WNT9B: variants seen among roughly 807,000 people sequenced by gnomAD.
WNT9B encodes protein Wnt-9b.
A neutral mutation model predicts 30.2 loss-of-function variants in WNT9B; 12 were observed. The ratio of observed to expected loss-of-function variants is 0.40; its 90% CI spans 0.26 to 0.64. WNT9B has a LOEUF of 0.64. Among genes scored for constraint, WNT9B ranks in the 30% least tolerant of loss-of-function variants. The pLI is 0.42. For synonymous variants in WNT9B, 218 were observed against 216.9 expected (o/e 1.01, Z -0.05); for missense variants, 442 against 485.2 (o/e 0.91, Z 0.84).
chr17:46,883,989 A>G (rs753277932), downstream of WNT9B, among the ~76,000 whole-genome samples: 22 of 151,936 alleles, frequency 1.4e-4, no homozygotes, highest in Non-Finnish European at 2.8e-4. Context: ...CTGAGCCCCT[A>G]CCCCTGCCCC....
Position 46,851,744 on chromosome 17 carries a change from TC to T in WNT9B, c.77+33del. ...AGTGCCCGCCGCGCCCCCCGCCCGCTCCCCGGCCTGCCTGTCTCTCCCTCCT... is the reference window on the plus strand; with the variant it reads ...AGTGCCCGCCGCGCCCCCCGCCCGCTCCCGGCCTGCCTGTCTCTCCCTCCT... On this transcript the variant is annotated intron_variant, in intron 1 of 3. Transcript: ENST00000290015. The surrounding 1 kb of genome is among the most constrained non-coding windows in gnomAD (Gnocchi z 4.3). 2 of 1,191,028 alleles carry T rather than the reference TC, an allele frequency of 1.7e-6. No homozygotes were observed. The highest frequency in any genetic ancestry group is 2.1e-6 in the Non-Finnish European group (2 of 944,710). The allele number at this position is 1,191,028 out of a possible 1,614,324, so 73.8% of individuals were successfully genotyped here.
exon 1 of WNT9B, chr17:46,833,234 G>A (rs1172569321): frequency 9.5e-6 from 4 of 421,132 alleles, no homozygotes; most frequent in East Asian, 7.0e-5. Flanking sequence ...CGTGGAAGCT[G>A]GGCCTGAGCC....
upstream of WNT9B, among the ~76,000 whole-genome samples, chr17:46,848,641 G>A (rs1007645467): frequency 3.9e-5 from 6 of 152,228 alleles, no homozygotes; most frequent in African/African-American, 9.6e-5. Context: ...GGAGGTACAC[G>A]ATGCTCTGTA....
Position 46,877,696 on chromosome 17 carries a change from G to A in WNT9B, c.*978G>A, listed in dbSNP as rs561632159. On this transcript the variant is annotated 3_prime_UTR_variant, in exon 4 of 4. Transcript: ENST00000290015. ...GCTTTGGTGACTTCCTGTGGCTGGG[G>A]CCTGCCTGGTCTGTGACACCCCCAT... Among the ~76,000 whole-genome samples, 1 of 152,318 alleles carries A rather than the reference G, an allele frequency of 6.6e-6. No individual in the cohort carries two copies. Among genetic ancestry groups the A allele is most frequent in the East Asian group, 1.9e-4 (1 of 5,186 alleles).
intron 1 of WNT9B, among the ~76,000 whole-genome samples, chr17:46,840,473 T>G (rs1391293348): frequency 6.6e-6 from 1 of 152,246 alleles, no homozygotes; most frequent in Admixed American, 6.5e-5. Flanking sequence ...TAAACATATG[T>G]GTGCATGTGT....
chr17:46,885,146 G>A, downstream of WNT9B: 3 of 368,922 alleles, frequency 8.1e-6, no homozygotes, highest in Admixed American at 3.7e-5. Flanking sequence ...GCACCACCAC[G>A]CCTGACTAAT....
At chr17:46,883,886 C>A (rs1036883390), downstream of WNT9B, among the ~76,000 whole-genome samples, 3 of 152,212 alleles carry the variant, frequency 2.0e-5, no homozygotes, top group Non-Finnish European at 2.9e-5. Flanking sequence ...CACTCCCATC[C>A]CTCCTCAAGT....
intron 1 of WNT9B, among the ~76,000 whole-genome samples, chr17:46,841,145 T>C (rs969643494): frequency 1.3e-5 from 2 of 152,150 alleles, no homozygotes; most frequent in African/African-American, 4.8e-5. Context: ...AAATCAAATT[T>C]ACCATTTATT....
chr17:46,868,394 C>T (rs911298842), intron 1 of WNT9B, among the ~76,000 whole-genome samples: 1 of 151,900 alleles, frequency 6.6e-6, no homozygotes, highest in African/African-American at 2.4e-5. Context: ...GAGTTCAAGA[C>T]CAGCCTAGCC....
upstream of WNT9B, among the ~76,000 whole-genome samples, chr17:46,848,267 G>A (rs2084800430): frequency 6.6e-6 from 1 of 152,168 alleles, no homozygotes; most frequent in African/African-American, 2.4e-5. Flanking sequence ...GCCCAGGAAG[G>A]AGTGCTTCCG....
At chr17:46,855,503 G>A (rs896515468) in intron 1 of WNT9B, among the ~76,000 whole-genome samples, 7 of 152,218 alleles carry the variant, frequency 4.6e-5, no homozygotes, top group Non-Finnish European at 4.4e-5. Context: ...AGTAGCACCT[G>A]GAGGTGCTAA....
chr17:46,843,490 C>A (rs1019387743), intron 1 of WNT9B, among the ~76,000 whole-genome samples: 1 of 152,184 alleles, frequency 6.6e-6, no homozygotes, highest in African/African-American at 2.4e-5. Flanking sequence ...ATCTCAGTTG[C>A]CATTGTCTTA....
At chr17:46,834,521 G>A (rs1173106052) in intron 1 of WNT9B, among the ~76,000 whole-genome samples, 1 of 152,280 alleles carries the variant, frequency 6.6e-6, no homozygotes, top group East Asian at 1.9e-4. Flanking sequence ...TGAGTGGAAA[G>A]CTCCTCTCGC....
chr17:46,876,128 C>T, intron 3 of WNT9B, 117 bp from the exon 4 acceptor site: 1 of 984,746 alleles, frequency 1.0e-6, no homozygotes. Context: ...GGGGCTGAGA[C>T]CCTGGGTCTC....
chr17:46,885,226 G>A (rs2085475125), downstream of WNT9B: 2 of 303,140 alleles, frequency 6.6e-6, no homozygotes, highest in Non-Finnish European at 6.5e-6. Flanking sequence ...GGCTGGTCTC[G>A]AACTCCCGAC....
At chr17:46,841,243 C>T (rs1361481202) in intron 1 of WNT9B, among the ~76,000 whole-genome samples, 1 of 152,222 alleles carries the variant, frequency 6.6e-6, no homozygotes, top group Non-Finnish European at 1.5e-5. Context: ...TCCCTATTTA[C>T]AGTCGGAGAA....
intron 1 of WNT9B, among the ~76,000 whole-genome samples, chr17:46,852,310 C>T (rs188108362): frequency 6.6e-6 from 1 of 152,004 alleles, no homozygotes; most frequent in Admixed American, 6.5e-5. Flanking sequence ...AGGAACCGTG[C>T]GCTGGGGAAA....
At chr17:46,860,700 C>T (rs1490478395) in intron 1 of WNT9B, among the ~76,000 whole-genome samples, 1 of 152,240 alleles carries the variant, frequency 6.6e-6, no homozygotes, top group Non-Finnish European at 1.5e-5. Flanking sequence ...GTGGTGACAT[C>T]TGTTCCTTCT....
chr17:46,869,085 G>A (rs183783487), intron 1 of WNT9B, among the ~76,000 whole-genome samples: 7 of 152,302 alleles, frequency 4.6e-5, no homozygotes, highest in African/African-American at 1.4e-4. Context: ...TGGGGTTCCC[G>A]AGGCAGTGCC....
Sources: allele counts gnomAD v4.1 joint callset (sites outside exome capture counted in the v4.1 genomes callset), GRCh38; gene constraint gnomAD v4.1.1; non-coding constraint Gnocchi (gnomAD v3.1); transcripts MANE v1.5; gene names NCBI Gene and HGNC (gene_info 2026-07-23, HGNC 2026-07-21).